The following DHCR24 variants were observed in gnomAD, a reference collection of about 807,000 sequenced individuals.
DHCR24 encodes the protein delta(24)-sterol reductase.
In DHCR24, 28 loss-of-function variants were observed where a neutral mutation model predicts 61.2. That is an observed-to-expected ratio of 0.46 (90% CI 0.34 to 0.63). The LOEUF is 0.63. Ranked by LOEUF, DHCR24 falls within the 20% of genes least tolerant of loss-of-function variation. The pLI, the probability that DHCR24 is intolerant of heterozygous loss-of-function variation, is 0.01. For synonymous variants in DHCR24, 261 were observed against 275.9 expected (o/e 0.95, Z 0.54); for missense variants, 538 against 679.1 (o/e 0.79, Z 2.31).
chr1:54,865,199 C>T, intron 6 of DHCR24, 104 bp downstream of exon 6: 1 of 1,425,648 alleles, frequency 7.0e-7, no homozygotes, highest in South Asian at 1.2e-5. Flanking sequence ...AGGACAAAGC[C>T]ACTCTTTACC....
intron 8 of DHCR24, among the ~76,000 whole-genome samples, chr1:54,852,809 C>A (rs939024760): frequency 1.5e-5 from 2 of 129,710 alleles, no homozygotes; most frequent in Admixed American, 1.6e-4. Context: ...CAGTCCAGAT[C>A]GTGGCTATAA....
chr1:54,870,092 C>T (rs1476575330), intron 5 of DHCR24, among the ~76,000 whole-genome samples: 1 of 151,524 alleles, frequency 6.6e-6, no homozygotes, highest in Non-Finnish European at 1.5e-5. Context: ...CATGGTGGCA[C>T]ACGCCTGTAG....
chr1:54,853,649 C>G lies in DHCR24; in HGVS notation c.1219-37G>C, dbSNP rs377481407. On this transcript the variant is annotated intron_variant, in intron 7 of 8. Transcript: ENST00000371269. ...AGGGAGGTGGGTATTGGTGCTTTTT[C>G]TCCAACAGGTGACAGGCTCATGGCT... is the stretch of plus-strand genomic sequence containing the variant. The G allele has an allele frequency of 1.4e-5, 22 of 1,594,482 alleles. No homozygotes were observed. In the African/African-American group the frequency reaches 1.9e-4, roughly 14 times the overall value.
chr1:54,886,034 GAGCA>G (rs928800528), intron 1 of DHCR24, among the ~76,000 whole-genome samples: 1 of 152,184 alleles, frequency 6.6e-6, no homozygotes, highest in African/African-American at 2.4e-5. Context: ...ACCCAGCGCG[GAGCA>G]AGCAGAATAT....
At chr1:54,865,237 T>C in intron 6 of DHCR24, 66 bp downstream of exon 6, 2 of 1,563,416 alleles carry the variant, frequency 1.3e-6, no homozygotes, top group Non-Finnish European at 1.7e-6. Flanking sequence ...GGCTACAGTG[T>C]TAACTGTCCG....
At position 54,887,063 on chromosome 1, in the gene DHCR24, G is replaced by A. The variant is rs976788121; in HGVS notation, c.57C>T (p.Arg19=). 3 of 1,611,336 alleles carry A rather than the reference G, an allele frequency of 1.9e-6. No individual in the cohort carries two copies. The highest frequency in any genetic ancestry group is 3.4e-5 in the Admixed American group (2 of 59,608). The change falls in exon 1 of 9, where the codon CGC becomes CGT. Residue 19 remains arginine, a synonymous_variant. Coordinates refer to ENST00000371269, the MANE Select transcript of DHCR24 (RefSeq NM_014762.4). ...TGAGCACGAACTCCAGCCCCTTCAG[G>A]CGCACCCACAGCAGGAAGAGCAGCG... ...VCALLFLLWV[R]LKGLEFVLIH... is the part of the protein sequence containing the mutation.
chr1:54,870,035 C>T (rs528768279), intron 5 of DHCR24, among the ~76,000 whole-genome samples: 5 of 149,456 alleles, frequency 3.3e-5, no homozygotes, highest in Non-Finnish European at 7.4e-5. Context: ...GCCTGAGCGA[C>T]GGAGTGAGAC....
In DHCR24 at chr1:54,887,023, C is replaced by G; in HGVS notation, c.97G>C (p.Val33Leu). Residue 33 changes from valine (V) to leucine (L), a missense_variant, in exon 1 of 9, where the codon GTG becomes CTG. Physicochemically the swap from Val to Leu is conservative, Grantham distance 32 (BLOSUM62 1). Transcript: ENST00000371269. ...GGCAGGAGGAAGAGGCACACGAACA[C>G]CCAGCGCTGGTGGATGAGCACGAAC... ...LEFVLIHQRWVFVCLFLLPLS... is the reference protein window; with the variant it reads ...LEFVLIHQRWLFVCLFLLPLS... The G allele has an allele frequency of 6.2e-7, 1 of 1,613,444 alleles. No individual in the cohort carries two copies. Among genetic ancestry groups the G allele is most frequent in the Non-Finnish European group, 8.5e-7 (1 of 1,179,694 alleles).
chr1:54,863,536 T>C (rs1646950130), intron 6 of DHCR24, among the ~76,000 whole-genome samples: 1 of 152,162 alleles, frequency 6.6e-6, no homozygotes, highest in South Asian at 2.1e-4. Context: ...GACACCTGGA[T>C]AGCTATAAGC....
intron 6 of DHCR24, among the ~76,000 whole-genome samples, chr1:54,859,850 T>G (rs1646926069): frequency 6.6e-6 from 1 of 152,228 alleles, no homozygotes; most frequent in Non-Finnish European, 1.5e-5. Flanking sequence ...GCTGTTATCT[T>G]TCTGATCCTC....
intron 5 of DHCR24, among the ~76,000 whole-genome samples, chr1:54,866,266 G>A (rs1353666647): frequency 6.6e-6 from 1 of 152,030 alleles, no homozygotes; most frequent in Non-Finnish European, 1.5e-5. Context: ...CATGTAACAT[G>A]ACAATAAAAA....
chr1:54,872,222 C>T (rs1363270916), intron 4 of DHCR24, among the ~76,000 whole-genome samples: 1 of 152,168 alleles, frequency 6.6e-6, no homozygotes, highest in African/African-American at 2.4e-5. Context: ...AGGGCTCAGG[C>T]AAGACCACCT....
intron 1 of DHCR24, among the ~76,000 whole-genome samples, chr1:54,885,973 T>G (rs2101580188): frequency 6.6e-6 from 1 of 152,292 alleles, no homozygotes; most frequent in African/African-American, 2.4e-5. Flanking sequence ...CCAGGTCTTA[T>G]GCCTCATGGG....
chr1:54,868,934 G>A (rs1646982249), intron 5 of DHCR24, among the ~76,000 whole-genome samples: 1 of 152,142 alleles, frequency 6.6e-6, no homozygotes. Context: ...AGGTGCAGTG[G>A]CATGCGCCTG....
At chr1:54,867,378 C>T (rs1236059978) in intron 5 of DHCR24, among the ~76,000 whole-genome samples, 1 of 152,188 alleles carries the variant, frequency 6.6e-6, no homozygotes, top group African/African-American at 2.4e-5. Context: ...ATGGCATCCA[C>T]CACTCTGCCC....
chr1:54,870,227 AAC>A (rs1177400813), intron 5 of DHCR24, among the ~76,000 whole-genome samples: 24 of 152,170 alleles, frequency 1.6e-4, no homozygotes, highest in African/African-American at 5.5e-4. Flanking sequence ...CAAAAAAAAA[AAC>A]AATAAGAAAA....
At position 54,854,148 on chromosome 1, in the gene DHCR24, G is replaced by A. The variant is rs1408837028; in HGVS notation, c.1107C>T (p.Thr369=). The A allele has an allele frequency of 2.5e-6, 4 of 1,614,098 alleles. No homozygotes were observed. Among genetic ancestry groups the A allele is most frequent in the Admixed American group, 3.3e-5 (2 of 60,018 alleles). ...ACAGCTTGCGCAGGGTCTCACCCTG[G>A]GTCAGCTTCAGGAGGGAGATCTTGG... ...VPPKISLLKL[T]QGETLRKLYE... Residue 369 remains threonine, a synonymous_variant, in exon 7 of 9, where the codon ACC becomes ACT. Transcript: ENST00000371269.
intron 4 of DHCR24, among the ~76,000 whole-genome samples, chr1:54,874,483 T>G (rs1647015722): frequency 6.6e-6 from 1 of 151,976 alleles, no homozygotes; most frequent in Non-Finnish European, 1.5e-5. Flanking sequence ...AGTCAAGGAG[T>G]AGTAGGCTAT....
At chr1:54,860,470 G>A (rs867386914) in intron 6 of DHCR24, among the ~76,000 whole-genome samples, 8 of 152,212 alleles carry the variant, frequency 5.3e-5, no homozygotes, top group Non-Finnish European at 8.8e-5. Context: ...TGGGATACAC[G>A]GAGGTGAGGT....
Sources: gnomAD v4.1 joint callset for allele counts (sites outside exome capture counted in the v4.1 genomes callset) on GRCh38, gnomAD v4.1.1 for gene constraint, MANE v1.5 for transcripts, NCBI Gene and HGNC (gene_info 2026-07-23, HGNC 2026-07-21) for gene names.